Variants in PPP3CA observed in about 807,000 individuals in gnomAD.
The protein encoded by PPP3CA is protein phosphatase 3 catalytic subunit alpha, also known as CAM-PRP catalytic subunit.
In PPP3CA, 14 loss-of-function variants were observed where a neutral mutation model predicts 66.5. That is an observed-to-expected ratio of 0.21 (90% CI 0.14 to 0.33). The LOEUF is 0.33. Ranked by LOEUF, PPP3CA falls within the 10% of genes least tolerant of loss-of-function variation. The probability of loss-of-function intolerance (pLI) is 1.00; values close to 1 mark genes in which losing one functional copy is unlikely to be tolerated. For missense variants in PPP3CA, 317 were observed against 639.5 expected (o/e 0.50, Z 5.44); for synonymous variants, 232 against 226.2 (o/e 1.03, Z -0.23).
rs1291504526 is a variant in PPP3CA, at chr4:101,328,698, A to T, written c.58+18041T>A. 2.6e-5 allele frequency among the ~76,000 whole-genome samples: 4 copies of T among 152,200 alleles called. No individual in the cohort carries two copies. In the East Asian group the frequency reaches 7.7e-4, roughly 29 times the overall value. ...CTAGCGGTGCCATTTTTCCATCAGC[A>T]TGTGCTCACTTTGTGTCTCTTGTGA... On this transcript the variant is annotated intron_variant, in intron 1 of 13. Transcript: ENST00000394854.
At chr4:101,062,516 T>A (rs192946039) in intron 9 of PPP3CA, among the ~76,000 whole-genome samples, 1 of 152,072 alleles carries the variant, frequency 6.6e-6, no homozygotes, top group African/African-American at 2.4e-5. Context: ...AGAAGATACA[T>A]GAGAATCAAT....
intron 1 of PPP3CA, among the ~76,000 whole-genome samples, chr4:101,226,835 T>TA (rs1418457769): frequency 5.3e-5 from 8 of 151,742 alleles, no homozygotes. Flanking sequence ...TCTTCTAATA[T>TA]AAATGCTTGA....
chr4:101,147,033 T>C (rs1000614098), intron 2 of PPP3CA, among the ~76,000 whole-genome samples: 1 of 152,160 alleles, frequency 6.6e-6, no homozygotes, highest in Non-Finnish European at 1.5e-5. Flanking sequence ...ACTGTTTTTA[T>C]CCTCATTTTT....
At chr4:101,274,844 G>A (rs1304813677) in intron 1 of PPP3CA, among the ~76,000 whole-genome samples, 1 of 152,046 alleles carries the variant, frequency 6.6e-6, no homozygotes, top group Non-Finnish European at 1.5e-5. Flanking sequence ...ATTGCATTTA[G>A]ATCATTACAA....
intron 2 of PPP3CA, among the ~76,000 whole-genome samples, chr4:101,166,277 C>A (rs1205140925): frequency 6.6e-6 from 1 of 152,230 alleles, no homozygotes; most frequent in Middle Eastern, 3.4e-3. Context: ...CTGAGGTACA[C>A]AATTCTTTGG....
At chr4:101,340,987 T>A (rs1306165712) in intron 1 of PPP3CA, among the ~76,000 whole-genome samples, 1 of 152,162 alleles carries the variant, frequency 6.6e-6, no homozygotes, top group Non-Finnish European at 1.5e-5. Flanking sequence ...CAGAAAGCAA[T>A]GTTTAACAGT....
chr4:101,250,613 C>T (rs987280320), intron 1 of PPP3CA, among the ~76,000 whole-genome samples: 6 of 152,114 alleles, frequency 3.9e-5, no homozygotes, highest in African/African-American at 1.4e-4. Flanking sequence ...ACTTTTGAAA[C>T]TCATTCCAAT....
chr4:101,333,549 C>T (rs1729518328), intron 1 of PPP3CA, among the ~76,000 whole-genome samples: 1 of 151,978 alleles, frequency 6.6e-6, no homozygotes, highest in Non-Finnish European at 1.5e-5. Context: ...GACTTATTGA[C>T]ACTGAATTTC....
chr4:101,189,613 G>C (rs1724525993), intron 2 of PPP3CA, among the ~76,000 whole-genome samples: 1 of 139,302 alleles, frequency 7.2e-6, no homozygotes, highest in Non-Finnish European at 1.5e-5. Flanking sequence ...GAATGGAACT[G>C]ATAACAGTAC....
intron 8 of PPP3CA, among the ~76,000 whole-genome samples, chr4:101,071,749 C>T (rs1393632247): frequency 6.6e-6 from 1 of 152,108 alleles, no homozygotes; most frequent in Non-Finnish European, 1.5e-5. Context: ...ATTCTATAGG[C>T]AAAGCTTTGT....
intron 1 of PPP3CA, among the ~76,000 whole-genome samples, chr4:101,241,401 G>A (rs1726304349): frequency 2.0e-5 from 3 of 152,012 alleles, no homozygotes; most frequent in Admixed American, 6.6e-5. Context: ...ACAAATTACA[G>A]GTGATATTAA....
intron 8 of PPP3CA, among the ~76,000 whole-genome samples, chr4:101,075,647 G>A (rs1729153870): frequency 6.6e-6 from 1 of 152,174 alleles, no homozygotes; most frequent in Admixed American, 6.5e-5. Context: ...TTTTCCCAGA[G>A]GTTCATTGCA....
At position 101,067,684 on chromosome 4, in the gene PPP3CA, A is replaced by G. The variant is rs936133116; in HGVS notation, c.956-4327T>C. ...CCTGTTGTGGGGTGGGGGGACGGGGAGGGATAGCATTAGGTGATATACCTA... is the reference window on the plus strand; with the variant it reads ...CCTGTTGTGGGGTGGGGGGACGGGGGGGGATAGCATTAGGTGATATACCTA... On this transcript the variant is annotated intron_variant, in intron 8 of 13. Coordinates refer to ENST00000394854, the MANE Select transcript of PPP3CA (RefSeq NM_000944.5). Among the ~76,000 whole-genome samples the G allele has an allele frequency of 1.5e-3, 188 of 126,672 alleles. 3 individuals carry two copies. The highest frequency in any genetic ancestry group is 5.9e-3 in the African/African-American group (166 of 28,292). The allele number at this position is 126,672 out of a possible 152,430, so 83.1% of individuals were successfully genotyped here. A position where few individuals can be genotyped will look rare whatever the true frequency, so the allele number is the denominator to read the frequency against.
chr4:101,184,491 A>G (rs1303572208), intron 2 of PPP3CA, among the ~76,000 whole-genome samples: 1 of 152,210 alleles, frequency 6.6e-6, no homozygotes, highest in Non-Finnish European at 1.5e-5. Context: ...ATCAGAAGTA[A>G]AAGACTTAGT....
At chr4:101,289,865 CGTGTAT>C (rs776858696) in intron 1 of PPP3CA, among the ~76,000 whole-genome samples, 27 of 118,050 alleles carry the variant, frequency 2.3e-4, no homozygotes, top group African/African-American at 8.6e-4. Context: ...CCAAAATGTC[CGTGTAT>C]GTGTGTGTGT....
At chr4:101,091,862 A>AATAATAATG in intron 6 of PPP3CA, among the ~76,000 whole-genome samples, 1 of 135,826 alleles carries the variant, frequency 7.4e-6, no homozygotes, top group East Asian at 2.0e-4. Flanking sequence ...TAATAATAAT[A>AATAATAATG]ATGAAGAAGA....
At chr4:101,166,845 T>C (rs1301310781) in intron 2 of PPP3CA, among the ~76,000 whole-genome samples, 2 of 152,214 alleles carry the variant, frequency 1.3e-5, no homozygotes, top group Non-Finnish European at 1.5e-5. Context: ...GAAAGCTACT[T>C]TGGGTTCAAG....
At chr4:101,108,387 G>A (rs1049381480) in intron 3 of PPP3CA, among the ~76,000 whole-genome samples, 17 of 152,262 alleles carry the variant, frequency 1.1e-4, no homozygotes, top group African/African-American at 1.9e-4. Context: ...AAAGCAAAAC[G>A]TAATTTTTGA....
intron 1 of PPP3CA, among the ~76,000 whole-genome samples, chr4:101,316,786 C>G (rs1728896287): frequency 6.6e-6 from 1 of 152,188 alleles, no homozygotes; most frequent in South Asian, 2.1e-4. Flanking sequence ...AAAACACTAT[C>G]AGATAATTGG....
Sources: allele counts gnomAD v4.1 joint callset (sites outside exome capture counted in the v4.1 genomes callset), GRCh38; gene constraint gnomAD v4.1.1; transcripts MANE v1.5; gene names NCBI Gene and HGNC (gene_info 2026-07-23, HGNC 2026-07-21).